TAOK1: variants seen among roughly 807,000 people sequenced by gnomAD.
TAOK1 encodes the protein TAO kinase 1.
TAOK1 carries 21 observed loss-of-function variants against 138.3 expected under a neutral mutation model. That is an observed-to-expected ratio of 0.15 (90% CI 0.11 to 0.22). The LOEUF (loss-of-function observed/expected upper bound fraction) is 0.22. Among genes scored for constraint, TAOK1 ranks in the 10% least tolerant of loss-of-function variants. TAOK1 has a pLI of 1.00. For missense variants in TAOK1, 651 were observed against 1,227.7 expected (o/e 0.53, Z 7.02); for synonymous variants, 361 against 398.4 (o/e 0.91, Z 1.12).
intron 17 of TAOK1, among the ~76,000 whole-genome samples, chr17:29,524,196 G>A (rs2031967006): frequency 6.6e-6 from 1 of 152,088 alleles, no homozygotes; most frequent in African/African-American, 2.4e-5. Context: ...GAATTATAAT[G>A]ATTTTTTAGA....
At chr17:29,436,769 G>C (rs1906043322) in intron 1 of TAOK1, among the ~76,000 whole-genome samples, 1 of 152,142 alleles carries the variant, frequency 6.6e-6, no homozygotes, top group African/African-American at 2.4e-5. Flanking sequence ...TATTTACTAA[G>C]ATATAACCTA....
chr17:29,436,095 A>C (rs1417041870), intron 1 of TAOK1, among the ~76,000 whole-genome samples: 3 of 152,220 alleles, frequency 2.0e-5, no homozygotes, highest in Non-Finnish European at 4.4e-5. Context: ...GAGCCACTGC[A>C]CTCCAGCCTG....
At chr17:29,427,901 G>T (rs541927511) in intron 1 of TAOK1, among the ~76,000 whole-genome samples, 194 of 147,344 alleles carry the variant, frequency 1.3e-3, no homozygotes, top group African/African-American at 4.6e-3. Context: ...ACTCCAGCCT[G>T]GGCAACAGCG....
At chr17:29,483,295 C>G (rs2031100866) in intron 8 of TAOK1, among the ~76,000 whole-genome samples, 1 of 152,154 alleles carries the variant, frequency 6.6e-6, no homozygotes, top group Non-Finnish European at 1.5e-5. Context: ...CCAGGCTGGT[C>G]TTGAACTCCT....
rs2031656284 is a variant in TAOK1, at chr17:29,507,934, G to A, written c.1377G>A (p.Glu459=). The part of the protein sequence containing the change: ...RQMQEHEQDS[E]LREQMSGYKR... ...TGCAAGAACATGAGCAGGACTCTGA[G>A]CTTAGAGAACAAATGTCTGGCTATA... The change falls in exon 14 of 20, where the codon GAG becomes GAA. Residue 459 remains glutamate, a synonymous_variant. Transcript: ENST00000261716. 4.3e-6 allele frequency: 7 copies of A among 1,614,072 alleles called. No homozygotes were observed. Among genetic ancestry groups the A allele is most frequent in the Non-Finnish European group, 5.9e-6 (7 of 1,179,998 alleles).
chr17:29,536,374 G>T (rs2032222509), intron 19 of TAOK1, among the ~76,000 whole-genome samples: 1 of 151,932 alleles, frequency 6.6e-6, no homozygotes, highest in Non-Finnish European at 1.5e-5. Context: ...AAGGCGGGCG[G>T]ATCACGAGGT....
chr17:29,453,526 C>T (rs1486255502), intron 2 of TAOK1, among the ~76,000 whole-genome samples: 1 of 151,976 alleles, frequency 6.6e-6, no homozygotes, highest in East Asian at 1.9e-4. Flanking sequence ...GTTGGGATTA[C>T]AGGTGTGAGC....
At chr17:29,485,326 G>T (rs2031148665) in intron 8 of TAOK1, among the ~76,000 whole-genome samples, 1 of 152,120 alleles carries the variant, frequency 6.6e-6, no homozygotes, top group Non-Finnish European at 1.5e-5. Context: ...GGAGCGAAAA[G>T]AAAATAAATT....
In TAOK1 at chr17:29,392,727, G is replaced by A. The variant is rs535764063; in HGVS notation, c.-95+1703G>A. On this transcript the variant is annotated intron_variant, in intron 1 of 19. Transcript: ENST00000261716. Reference sequence around the variant, plus strand: ...AAAGTGAAGAAGAAGACTAAAATGTGTACAGATAATGAGTTGTCTTTGGTG... The same window carrying A: ...AAAGTGAAGAAGAAGACTAAAATGTATACAGATAATGAGTTGTCTTTGGTG... 1.1e-3 allele frequency among the ~76,000 whole-genome samples: 172 copies of A among 152,270 alleles called. 1 individual carries two copies. Among genetic ancestry groups the A allele is most frequent in the Non-Finnish European group, 2.1e-3 (142 of 68,016 alleles).
At chr17:29,480,091 A>G (rs2031029486) in intron 6 of TAOK1, 2 of 211,704 alleles carry the variant, frequency 9.4e-6, no homozygotes, top group Non-Finnish European at 1.9e-5. Flanking sequence ...AATAAACAGA[A>G]ACTAAAATAT....
intron 9 of TAOK1, among the ~76,000 whole-genome samples, chr17:29,490,075 G>A (rs991484095): frequency 3.3e-5 from 5 of 151,820 alleles, no homozygotes; most frequent in Admixed American, 6.6e-5. Flanking sequence ...TAGCATTTAA[G>A]CATTAATATT....
At position 29,434,332 on chromosome 17, in the gene TAOK1, G is replaced by A. The variant is rs371197034; in HGVS notation, c.-94-17123G>A. ...TAGTGAAGAGAGAACTGAGGAGAAA[G>A]GGAAAAAGCCTCCTTTTAAAGGAGT... On this transcript the variant is annotated intron_variant, in intron 1 of 19. Transcript: ENST00000261716. 6.6e-5 allele frequency among the ~76,000 whole-genome samples: 10 copies of A among 152,046 alleles called. No homozygotes were observed. The South Asian group carries it at 1.2e-3, about 19-fold the overall frequency.
chr17:29,436,472 T>C (rs981881281), intron 1 of TAOK1, among the ~76,000 whole-genome samples: 5 of 152,230 alleles, frequency 3.3e-5, no homozygotes, highest in African/African-American at 1.2e-4. Context: ...TTTCCTTTAT[T>C]AAAATGTTAA....
chr17:29,501,227 A>G (rs1227565165), intron 12 of TAOK1, among the ~76,000 whole-genome samples: 1 of 105,606 alleles, frequency 9.5e-6, no homozygotes, highest in African/African-American at 3.1e-5. Context: ...TGTTTAAAAA[A>G]AAAAAAAAAA....
At chr17:29,506,627 A>G (rs2031633436) in intron 13 of TAOK1, among the ~76,000 whole-genome samples, 1 of 151,604 alleles carries the variant, frequency 6.6e-6, no homozygotes, top group Non-Finnish European at 1.5e-5. Flanking sequence ...ATGTCTCACC[A>G]TAAAAAATGA....
chr17:29,421,180 T>C (rs558646890), intron 1 of TAOK1, among the ~76,000 whole-genome samples: 9 of 152,106 alleles, frequency 5.9e-5, no homozygotes, highest in African/African-American at 1.9e-4. Context: ...CCGCCCGCCT[T>C]GGCCTCCCGG....
At chr17:29,452,846 T>C (rs1397310124) in intron 2 of TAOK1, among the ~76,000 whole-genome samples, 1 of 152,264 alleles carries the variant, frequency 6.6e-6, no homozygotes, top group Admixed American at 6.5e-5. Context: ...TAATATTCCA[T>C]TGTATATTAA....
At chr17:29,457,657 C>T (rs535370465) in intron 2 of TAOK1, among the ~76,000 whole-genome samples, 5 of 151,920 alleles carry the variant, frequency 3.3e-5, no homozygotes, top group South Asian at 2.1e-4. Flanking sequence ...CCACCCATCT[C>T]GGCCTCCCAA....
At chr17:29,446,737 CT>C (rs34871616) in intron 1 of TAOK1, among the ~76,000 whole-genome samples, 67,371 of 119,576 alleles carry the variant, frequency 0.56, 18,120 homozygotes, top group East Asian at 0.9. Context: ...TTTTACTGTA[CT>C]TTTTTTTTTT....
Sources: gnomAD v4.1 joint callset for allele counts (sites outside exome capture counted in the v4.1 genomes callset) on GRCh38, gnomAD v4.1.1 for gene constraint, MANE v1.5 for transcripts, NCBI Gene and HGNC (gene_info 2026-07-23, HGNC 2026-07-21) for gene names.